Variants in RAB27A observed in about 807,000 individuals in gnomAD.
RAB27A encodes RAB27A, member RAS oncogene family.
A neutral mutation model predicts 20.8 loss-of-function variants in RAB27A; 17 were observed. The ratio of observed to expected loss-of-function variants is 0.82; its 90% confidence interval spans 0.56 to 1.23. The LOEUF (loss-of-function observed/expected upper bound fraction) is 1.23, where lower values mean the gene tolerates loss of function less well. RAB27A is among the 50% of genes most tolerant of loss of function. RAB27A has a pLI of 0.00. For missense variants in RAB27A, 277 were observed against 266.7 expected, an observed-to-expected ratio of 1.04 and a Z score of -0.27; for synonymous variants, 85 against 92.8, an observed-to-expected ratio of 0.92 and a Z score of 0.48.
At chr15:55,309,007 T>A (rs1258540891) in intron 2 of RAB27A, among the ~76,000 whole-genome samples, 1 of 152,218 alleles carries the variant, frequency 6.6e-6, no homozygotes, top group Non-Finnish European at 1.5e-5. Context: ...CTGGTTTTTT[T>A]ATGACATATA....
intron 2 of RAB27A, among the ~76,000 whole-genome samples, chr15:55,309,096 CT>C (rs1167777041): frequency 6.6e-6 from 1 of 152,182 alleles, no homozygotes; most frequent in Non-Finnish European, 1.5e-5. Flanking sequence ...AAAGCCGCTT[CT>C]GCTTCAGGTG....
chr15:55,298,324 T>C (rs1315266403), intron 2 of RAB27A, among the ~76,000 whole-genome samples: 3 of 150,114 alleles, frequency 2.0e-5, no homozygotes, highest in African/African-American at 7.4e-5. Flanking sequence ...AGGGACAGAG[T>C]ACAAAAGAGA....
intron 1 of RAB27A, chr15:55,270,691 G>C (rs1027119840): frequency 1.3e-5 from 2 of 152,214 alleles, no homozygotes; most frequent in African/African-American, 4.8e-5. Flanking sequence ...TACAATGCCT[G>C]ATCCAAACAA....
intron 2 of RAB27A, among the ~76,000 whole-genome samples, chr15:55,305,515 A>G (rs1393204091): frequency 6.6e-6 from 1 of 152,226 alleles, no homozygotes; most frequent in East Asian, 1.9e-4. Flanking sequence ...AGGAGTAACA[A>G]TATTATAGCT....
intron 6 of RAB27A, among the ~76,000 whole-genome samples, chr15:55,210,127 T>G (rs2140911360): frequency 7.5e-6 from 1 of 133,036 alleles, no homozygotes; most frequent in African/African-American, 3.1e-5. Context: ...CATATGTATA[T>G]ATAGTGTATA....
At chr15:55,241,992 T>C (rs185743664) in intron 2 of RAB27A, among the ~76,000 whole-genome samples, 17 of 149,542 alleles carry the variant, frequency 1.1e-4, no homozygotes, top group African/African-American at 3.6e-4. Flanking sequence ...TATTTCTCCC[T>C]CTCTCTCTCT....
chr15:55,311,934 G>A (rs537768414), intron 2 of RAB27A, among the ~76,000 whole-genome samples: 3 of 152,198 alleles, frequency 2.0e-5, no homozygotes, highest in South Asian at 4.1e-4. Context: ...CTTCCAAGAC[G>A]GTGGCAAGCC....
rs1555391681 is a variant in RAB27A at position 55,209,869 on chromosome 15, T to TGTGTGTAC, written c.468-4165_468-4164insGTACACAC. ...ACATATATGTGTGTATATACATATATACATATATGTGTGTGTATACATATA... is the reference window on the plus strand; with the variant it reads ...ACATATATGTGTGTATATACATATATGTGTGTACACATATATGTGTGTGTATACATATA... On this transcript the variant is annotated intron_variant, in intron 6 of 6. Transcript: ENST00000336787. Among the ~76,000 whole-genome samples the TGTGTGTAC allele has an allele frequency of 1.7e-3, 14 of 8,244 alleles. 1 individual carries two copies. Among genetic ancestry groups the TGTGTGTAC allele is most frequent in the South Asian group, 0.03 (2 of 66 alleles). The allele number at this position is 8,244 out of a possible 152,430, so 5.4% of individuals were successfully genotyped here. A position where few individuals can be genotyped will look rare whatever the true frequency, so the allele number is the denominator to read the frequency against.
intron 1 of RAB27A, among the ~76,000 whole-genome samples, chr15:55,280,174 T>C (rs746670186): frequency 1.3e-5 from 2 of 152,182 alleles, no homozygotes; most frequent in Non-Finnish European, 2.9e-5. Flanking sequence ...AAACCAACAA[T>C]TTCCGAGGCT....
chr15:55,280,822 G>C (rs1483772993), intron 1 of RAB27A, among the ~76,000 whole-genome samples: 1 of 152,020 alleles, frequency 6.6e-6, no homozygotes, highest in African/African-American at 2.4e-5. Flanking sequence ...CCATGTCCTT[G>C]CAAAGGACAT....
chr15:55,305,945 T>C (rs1322570163), intron 2 of RAB27A, among the ~76,000 whole-genome samples: 2 of 152,220 alleles, frequency 1.3e-5, no homozygotes, highest in Non-Finnish European at 2.9e-5. Flanking sequence ...ACTCTTTTGT[T>C]GCAGGGGTTA....
At chr15:55,224,698 G>C (rs1236786796) in intron 5 of RAB27A, among the ~76,000 whole-genome samples, 1 of 152,148 alleles carries the variant, frequency 6.6e-6, no homozygotes, top group African/African-American at 2.4e-5. Context: ...TCAAACCAAA[G>C]AGCTTCACTA....
intron 2 of RAB27A, among the ~76,000 whole-genome samples, chr15:55,265,403 T>C (rs1173355501): frequency 1.3e-5 from 2 of 152,058 alleles, no homozygotes; most frequent in Non-Finnish European, 2.9e-5. Context: ...AGCTAAGGAC[T>C]AAAGTCAGAA....
At chr15:55,242,056 T>G (rs905470019) in intron 2 of RAB27A, among the ~76,000 whole-genome samples, 1 of 152,010 alleles carries the variant, frequency 6.6e-6, no homozygotes, top group Non-Finnish European at 1.5e-5. Flanking sequence ...AAGTGTCATA[T>G]TAAAGTGAAT....
intron 6 of RAB27A, chr15:55,206,322 G>A: frequency 2.6e-6 from 2 of 782,048 alleles, no homozygotes; most frequent in Non-Finnish European, 3.1e-6. Flanking sequence ...GGAAGACAGA[G>A]ACAGAATTAA....
intron 2 of RAB27A, among the ~76,000 whole-genome samples, chr15:55,257,095 C>T (rs561290151): frequency 1.4e-4 from 22 of 152,156 alleles, no homozygotes; most frequent in Admixed American, 1.2e-3. Flanking sequence ...GCCTAGGGGG[C>T]CAGGAGGCCA....
intron 2 of RAB27A, among the ~76,000 whole-genome samples, chr15:55,258,297 C>T (rs1897155493): frequency 6.6e-6 from 1 of 152,160 alleles, no homozygotes; most frequent in South Asian, 2.1e-4. Flanking sequence ...TCTCACTTAA[C>T]ACTGCTATAT....
chr15:55,262,629 T>C (rs1897315367), intron 2 of RAB27A, among the ~76,000 whole-genome samples: 1 of 118,224 alleles, frequency 8.5e-6, no homozygotes, highest in African/African-American at 4.3e-5. Context: ...TCTCTTTTTT[T>C]TCTTTTTTTT....
chr15:55,262,357 C>T (rs892405351), intron 2 of RAB27A, among the ~76,000 whole-genome samples: 31 of 151,948 alleles, frequency 2.0e-4, no homozygotes, highest in Admixed American at 1.9e-3. Context: ...CTGGCTAACA[C>T]AGTGAAACCT....
Sources: gnomAD v4.1 joint callset for allele counts (sites outside exome capture counted in the v4.1 genomes callset) on GRCh38, gnomAD v4.1.1 for gene constraint, MANE v1.5 for transcripts, NCBI Gene and HGNC (gene_info 2026-07-23, HGNC 2026-07-21) for gene names.